Variants in DPCD observed in about 807,000 individuals in gnomAD.
DPCD encodes the protein deleted in primary ciliary dyskinesia homolog (mouse), also known as protein DPCD.
DPCD carries 20 observed loss-of-function variants against 26.4 expected under a neutral mutation model. The ratio of observed to expected loss-of-function variants is 0.76; its 90% confidence interval spans 0.53 to 1.10. The LOEUF (loss-of-function observed/expected upper bound fraction) is 1.10, where lower values mean the gene tolerates loss of function less well. Ranked by LOEUF, DPCD falls within the 50% of genes least tolerant of loss-of-function variation. The probability of loss-of-function intolerance (pLI) is 0.00; values close to 1 mark genes in which losing one functional copy is unlikely to be tolerated. For missense variants in DPCD, 202 were observed against 253.9 expected (o/e 0.80, Z 1.39); for synonymous variants, 97 against 94.2 (o/e 1.03, Z -0.17).
At chr10:101,598,611 CTTTTTTTTTTTT>C (rs71016333) in intron 2 of DPCD, among the ~76,000 whole-genome samples, 28 of 74,982 alleles carry the variant, frequency 3.7e-4, no homozygotes, top group Admixed American at 9.0e-4. Flanking sequence ...TAGATGCTTT[CTTTTTTTTTTTT>C]TTTTTTTTTT....
chr10:101,602,441 G>C (rs1419385974), intron 4 of DPCD, among the ~76,000 whole-genome samples: 1 of 152,236 alleles, frequency 6.6e-6, no homozygotes, highest in Non-Finnish European at 1.5e-5. Flanking sequence ...GGGTTAAGAG[G>C]ACAGGGGAAA....
chr10:101,608,959 T>C, intron 5 of DPCD, 22 bp downstream of exon 5: 1 of 1,573,070 alleles, frequency 6.4e-7, no homozygotes, highest in Non-Finnish European at 8.7e-7. Context: ...CCAGACTTCT[T>C]GGACACTGCA....
At chr10:101,605,166 C>A in intron 4 of DPCD, 2 of 1,550,506 alleles carry the variant, frequency 1.3e-6, no homozygotes, top group Non-Finnish European at 8.7e-7. Context: ...CTTCTCTGGA[C>A]CCCTCTGGCC....
chr10:101,591,204 GTTTA>G (rs968897499), intron 1 of DPCD, among the ~76,000 whole-genome samples: 1 of 152,166 alleles, frequency 6.6e-6, no homozygotes, highest in Admixed American at 6.5e-5. Flanking sequence ...ACTGCATTCT[GTTTA>G]TTTATTCATC....
chr10:101,602,370 C>T (rs932325534), intron 4 of DPCD, among the ~76,000 whole-genome samples: 2 of 152,196 alleles, frequency 1.3e-5, no homozygotes, highest in African/African-American at 4.8e-5. Flanking sequence ...TCCCAGACTC[C>T]CCCATCGCAG....
At chr10:101,589,263 C>A (rs954039073) in intron 1 of DPCD, among the ~76,000 whole-genome samples, 14 of 152,204 alleles carry the variant, frequency 9.2e-5, no homozygotes, top group African/African-American at 3.4e-4. Flanking sequence ...AAGCTCTAAA[C>A]TAGAACAGAA....
At chr10:101,607,613 C>G (rs1262111991) in intron 4 of DPCD, among the ~76,000 whole-genome samples, 1 of 152,148 alleles carries the variant, frequency 6.6e-6, no homozygotes, top group East Asian at 1.9e-4. Flanking sequence ...TGTCAACTCT[C>G]TGAGTCCCCA....
intron 1 of DPCD, among the ~76,000 whole-genome samples, chr10:101,592,908 G>A (rs568133487): frequency 7.9e-5 from 12 of 151,492 alleles, no homozygotes; most frequent in Admixed American, 5.3e-4. Flanking sequence ...CAGCTACTCA[G>A]GAGGCTGAGG....
At chr10:101,608,699 A>G in intron 4 of DPCD, 136 bp from the exon 5 acceptor site, 1 of 625,318 alleles carries the variant, frequency 1.6e-6, no homozygotes, top group Non-Finnish European at 2.9e-6. Flanking sequence ...TGGTGTTCTA[A>G]CTGGTTTCCC....
intron 2 of DPCD, among the ~76,000 whole-genome samples, chr10:101,597,297 C>T (rs2063660445): frequency 6.6e-6 from 1 of 152,246 alleles, no homozygotes; most frequent in African/African-American, 2.4e-5. Flanking sequence ...ATGACCCACT[C>T]GATTCCCTTC....
chr10:101,598,557 A>G (rs1048876556), intron 2 of DPCD, among the ~76,000 whole-genome samples: 14 of 149,842 alleles, frequency 9.3e-5, no homozygotes, highest in Non-Finnish European at 1.5e-4. Context: ...GAGAGCAGTC[A>G]GGGAAAAAAT....
chr10:101,603,515 T>G lies in DPCD; in HGVS notation c.404+2179T>G, dbSNP rs2063713575. On this transcript the variant is annotated intron_variant, in intron 4 of 5. Coordinates refer to ENST00000370151, the MANE Select transcript of DPCD (RefSeq NM_015448.3). This position sits in a 1 kb window ranked among gnomAD's most constrained non-coding sequence, Gnocchi z 4.6. ...GCTCACGCCTGTAATCCCAGCACTCTGGGAAGCCAAGGCAGGTGGATCATC... is the reference window on the plus strand; with the variant it reads ...GCTCACGCCTGTAATCCCAGCACTCGGGGAAGCCAAGGCAGGTGGATCATC... Among the ~76,000 whole-genome samples, 1 of 152,002 alleles carries G rather than the reference T, an allele frequency of 6.6e-6. No homozygotes were observed. Among genetic ancestry groups the G allele is most frequent in the African/African-American group, 2.4e-5 (1 of 41,394 alleles).
intron 1 of DPCD, among the ~76,000 whole-genome samples, chr10:101,591,441 A>C (rs546789737): frequency 6.6e-6 from 1 of 152,214 alleles, no homozygotes; most frequent in Non-Finnish European, 1.5e-5. Context: ...ACTGAAAAAC[A>C]ACTCAGTATT....
intron 4 of DPCD, among the ~76,000 whole-genome samples, chr10:101,605,661 G>A (rs1288123781): frequency 6.6e-6 from 1 of 152,144 alleles, no homozygotes; most frequent in Non-Finnish European, 1.5e-5. Flanking sequence ...AGTACCCAGG[G>A]GACCCGCAGA....
rs374926340 is a variant in DPCD, at chr10:101,600,772, C to T, written c.180C>T (p.Ala60=). 27 of 1,613,696 alleles carry T rather than the reference C, an allele frequency of 1.7e-5. No homozygotes were observed. Among genetic ancestry groups the T allele is most frequent in the African/African-American group, 1.1e-4 (8 of 74,888 alleles). Residue 60 remains alanine, a synonymous_variant, in exon 3 of 6, where the codon GCC becomes GCT. Coordinates refer to ENST00000370151, the MANE Select transcript of DPCD (RefSeq NM_015448.3). This position sits in a 1 kb window ranked among gnomAD's most constrained non-coding sequence, Gnocchi z 4.7. ...GGCGTGTGAAAAGTGCCCTGGGAGC[C>T]ATGGGCCAGTGGCAGCTTGAAGTAG... ...RKWRVKSALG[A]MGQWQLEVGD...
At chr10:101,609,013 AAG>A in intron 5 of DPCD, 76 bp downstream of exon 5, 1 of 1,231,310 alleles carries the variant, frequency 8.1e-7, no homozygotes, top group Non-Finnish European at 1.2e-6. Flanking sequence ...CCCATCCCAT[AAG>A]AGTCCTCAGT....
At chr10:101,609,062 T>C (rs2063754220) in intron 5 of DPCD, 125 bp downstream of exon 5, 6 of 826,572 alleles carry the variant, frequency 7.3e-6, no homozygotes, top group Non-Finnish European at 1.2e-5. Context: ...TGTGGGAGAA[T>C]AGGCATCTCT....
intron 4 of DPCD, among the ~76,000 whole-genome samples, chr10:101,606,224 C>T (rs541255442): frequency 1.3e-5 from 2 of 152,056 alleles, no homozygotes; most frequent in African/African-American, 4.8e-5. Context: ...TGCAGTGGCA[C>T]GATCTTGGCT....
intron 1 of DPCD, among the ~76,000 whole-genome samples, chr10:101,590,063 G>GA (rs34473619): frequency 0.051 from 5,938 of 117,208 alleles, 401 homozygotes; most frequent in African/African-American, 0.17. Flanking sequence ...AAAAAAACTG[G>GA]AAAAAAAAAA....
Sources: allele counts gnomAD v4.1 joint callset (sites outside exome capture counted in the v4.1 genomes callset), GRCh38; gene constraint gnomAD v4.1.1; non-coding constraint Gnocchi (gnomAD v3.1); transcripts MANE v1.5; gene names NCBI Gene and HGNC (gene_info 2026-07-23, HGNC 2026-07-21).